The following ATF1 variants were observed in gnomAD, a reference collection of about 807,000 sequenced individuals.
ATF1 encodes the protein cyclic AMP-dependent transcription factor ATF-1.
Under a neutral mutation model 34.7 loss-of-function variants are expected in ATF1, and 16 were observed. The observed-to-expected ratio is 0.46, with a 90% CI of 0.31 to 0.70. The LOEUF (loss-of-function observed/expected upper bound fraction) is 0.70, where lower values mean the gene tolerates loss of function less well. Ranked by LOEUF, ATF1 falls within the 30% of genes least tolerant of loss-of-function variation. The pLI is 0.05. For missense variants in ATF1, 255 were observed against 321.6 expected (o/e 0.79, Z 1.58); for synonymous variants, 105 against 113.1 (o/e 0.93, Z 0.46).
chr12:50,800,379 C>A (rs890513045), intron 3 of ATF1, among the ~76,000 whole-genome samples: 1 of 152,080 alleles, frequency 6.6e-6, no homozygotes, highest in Admixed American at 6.6e-5. Flanking sequence ...ATTCTTAAGA[C>A]GAAAGAAAGT....
At chr12:50,817,540 G>A (rs1053184599) in intron 6 of ATF1, among the ~76,000 whole-genome samples, 1 of 152,108 alleles carries the variant, frequency 6.6e-6, no homozygotes, top group Non-Finnish European at 1.5e-5. Context: ...TTATAAAGTG[G>A]TAATACTGTC....
At chr12:50,774,379 A>C (rs1024870689) in intron 1 of ATF1, among the ~76,000 whole-genome samples, 2 of 152,050 alleles carry the variant, frequency 1.3e-5, no homozygotes, top group Non-Finnish European at 2.9e-5. Context: ...CATTCTCTCT[A>C]TGTCAGCAAG....
At chr12:50,764,450 C>T (rs1460724322) in intron 1 of ATF1, 143 bp downstream of exon 1, 1 of 148,886 alleles carries the variant, frequency 6.7e-6, no homozygotes, top group Admixed American at 6.7e-5. Flanking sequence ...GGCGCAGCGG[C>T]AGGGGGAGGG....
chr12:50,776,005 G>A (rs1465917425), intron 1 of ATF1, among the ~76,000 whole-genome samples: 2 of 152,102 alleles, frequency 1.3e-5, no homozygotes, highest in African/African-American at 4.8e-5. Context: ...CCAAAACCTC[G>A]TCTCGACAAA....
At chr12:50,766,473 T>C (rs998816272) in intron 1 of ATF1, among the ~76,000 whole-genome samples, 1 of 152,076 alleles carries the variant, frequency 6.6e-6, no homozygotes, top group African/African-American at 2.4e-5. Flanking sequence ...AACAGGATCG[T>C]GGGACATGGG....
chr12:50,804,835 G>A lies in ATF1; in HGVS notation c.195-4621G>A, dbSNP rs149695042. Among the ~76,000 whole-genome samples the A allele has an allele frequency of 4.5e-3, 675 of 148,510 alleles. 8 individuals carry two copies. Among genetic ancestry groups the A allele is most frequent in the African/African-American group, 0.016 (624 of 40,150 alleles). ...CTTTTTTTTTTTTTTTTCCCGAGAC[G>A]GAGTCTCACGCTGTCACCCAGGCTG... On this transcript the variant is annotated intron_variant, in intron 3 of 6. Coordinates refer to ENST00000262053, the MANE Select transcript of ATF1 (RefSeq NM_005171.5).
chr12:50,779,653 G>A (rs1181584123), intron 1 of ATF1, among the ~76,000 whole-genome samples: 3 of 148,778 alleles, frequency 2.0e-5, no homozygotes, highest in African/African-American at 7.5e-5. Flanking sequence ...TGCCGTATTT[G>A]ATCTCTCATA....
intron 3 of ATF1, among the ~76,000 whole-genome samples, chr12:50,801,688 ACAT>A (rs1941514156): frequency 6.6e-6 from 1 of 152,240 alleles, no homozygotes; most frequent in South Asian, 2.1e-4. Flanking sequence ...TTAATGTAAT[ACAT>A]CATATTAATA....
chr12:50,766,137 G>C (rs900849482), intron 1 of ATF1, among the ~76,000 whole-genome samples: 3 of 152,172 alleles, frequency 2.0e-5, no homozygotes, highest in Non-Finnish European at 4.4e-5. Flanking sequence ...TGACCCAACG[G>C]CTACCTTTGG....
At chr12:50,774,646 A>G (rs1014714615) in intron 1 of ATF1, among the ~76,000 whole-genome samples, 1 of 152,220 alleles carries the variant, frequency 6.6e-6, no homozygotes, top group Non-Finnish European at 1.5e-5. Flanking sequence ...GTGAACAAAT[A>G]AAGGTTACAT....
intron 3 of ATF1, among the ~76,000 whole-genome samples, chr12:50,806,069 C>T (rs368354342): frequency 6.6e-6 from 1 of 151,156 alleles, no homozygotes; most frequent in South Asian, 2.1e-4. Context: ...GAGAATTGCT[C>T]GAACCTGGGA....
At chr12:50,790,024 A>C (rs1941268068) in intron 2 of ATF1, among the ~76,000 whole-genome samples, 1 of 152,142 alleles carries the variant, frequency 6.6e-6, no homozygotes, top group Non-Finnish European at 1.5e-5. Flanking sequence ...GGATTGCCAG[A>C]AACCTTTGAG....
At chr12:50,788,187 CTT>C (rs113494562) in intron 2 of ATF1, 2,879 of 407,104 alleles carry the variant, frequency 7.1e-3, no homozygotes, top group East Asian at 0.012. Context: ...TATAGCCAAT[CTT>C]TTTTTTTTTT....
At position 50,820,871 on chromosome 12, in the gene ATF1, T is replaced by C. The variant is rs1346402329; in HGVS notation, c.*1092T>C. 2.2e-5 allele frequency: 4 copies of C among 178,818 alleles called. No homozygotes were observed. The highest frequency in any genetic ancestry group is 7.1e-5 in the African/African-American group (3 of 42,368). 11.1% of individuals were successfully genotyped at this position (178,818 alleles called of 1,614,324 possible). The stretch of plus-strand genomic sequence containing the variant: ...GTTTTTAATGATTATTTTAAATGTT[T>C]ATATAGTTTAGTAAAATTTGCATCT... On this transcript the variant is annotated 3_prime_UTR_variant, in exon 7 of 7. Coordinates refer to ENST00000262053, the MANE Select transcript of ATF1 (RefSeq NM_005171.5).
At chr12:50,799,335 TGA>T (rs1941470337) in intron 3 of ATF1, among the ~76,000 whole-genome samples, 1 of 152,132 alleles carries the variant, frequency 6.6e-6, no homozygotes, top group Non-Finnish European at 1.5e-5. Context: ...CAGTGAGCCA[TGA>T]TTGTGCCATG....
At chr12:50,773,746 C>T (rs1334723172) in intron 1 of ATF1, among the ~76,000 whole-genome samples, 7 of 151,822 alleles carry the variant, frequency 4.6e-5, no homozygotes, top group East Asian at 1.9e-4. Flanking sequence ...CCCACCACCA[C>T]GCCTGGCTAA....
At chr12:50,764,006 A>G (rs911767651), upstream of ATF1, 4 of 152,378 alleles carry the variant, frequency 2.6e-5, no homozygotes, top group Admixed American at 2.6e-4. Flanking sequence ...AGGCAGCGCC[A>G]TAGCCTACCC....
chr12:50,778,189 C>G (rs971727789), intron 1 of ATF1, among the ~76,000 whole-genome samples: 5 of 149,486 alleles, frequency 3.3e-5, no homozygotes, highest in South Asian at 2.1e-4. Flanking sequence ...GTGTTGAGAT[C>G]ATGGGCGTGA....
chr12:50,793,090 T>C (rs1941339148), intron 2 of ATF1, among the ~76,000 whole-genome samples: 1 of 152,202 alleles, frequency 6.6e-6, no homozygotes, highest in Admixed American at 6.5e-5. Flanking sequence ...TATGGCAATG[T>C]TGTAAAAACT....
Sources: allele counts gnomAD v4.1 joint callset (sites outside exome capture counted in the v4.1 genomes callset), GRCh38; gene constraint gnomAD v4.1.1; transcripts MANE v1.5; gene names NCBI Gene and HGNC (gene_info 2026-07-23, HGNC 2026-07-21).